DSCAML1: variants seen among roughly 807,000 people sequenced by gnomAD.
DSCAML1 encodes the protein DS cell adhesion molecule like 1.
A neutral mutation model predicts 200.5 loss-of-function variants in DSCAML1; 38 were observed. The ratio of observed to expected loss-of-function variants is 0.19; its 90% CI spans 0.15 to 0.25. The LOEUF is 0.25. Ranked by LOEUF, DSCAML1 falls within the 10% of genes least tolerant of loss-of-function variation. The probability of loss-of-function intolerance (pLI) is 1.00; values close to 1 mark genes in which losing one functional copy is unlikely to be tolerated. For missense variants in DSCAML1, 2,223 were observed against 2,858.8 expected (o/e 0.78, Z 5.07); for synonymous variants, 1,215 against 1,165.0 (o/e 1.04, Z -0.87).
At chr11:117,629,567 C>A (rs1374580095) in intron 3 of DSCAML1, among the ~76,000 whole-genome samples, 2 of 152,068 alleles carry the variant, frequency 1.3e-5, no homozygotes, top group Non-Finnish European at 2.9e-5. Context: ...GCAGAGAGAG[C>A]AACAGAAACT....
intron 3 of DSCAML1, among the ~76,000 whole-genome samples, chr11:117,641,811 A>T (rs1190360353): frequency 6.6e-6 from 1 of 152,148 alleles, no homozygotes; most frequent in Non-Finnish European, 1.5e-5. Flanking sequence ...CATGGAATGA[A>T]GGGAGGAAAC....
At position 117,450,529 on chromosome 11, in the gene DSCAML1, C is replaced by T. The variant is rs755355104; in HGVS notation, c.3708+20G>A. On this transcript the variant is annotated intron_variant, in intron 20 of 32. Coordinates refer to ENST00000651296, the MANE Select transcript of DSCAML1 (RefSeq NM_020693.4). ...TCTTTTCTTCCATCCCCTTCATCAT[C>T]TGGCCCTGAACTCACTTACCGGCTG... The T allele has an allele frequency of 3.7e-6, 6 of 1,610,940 alleles. No individual in the cohort carries two copies. Among genetic ancestry groups the T allele is most frequent in the Non-Finnish European group, 3.4e-6 (4 of 1,178,664 alleles).
At chr11:117,550,417 TG>T (rs1391379516) in intron 3 of DSCAML1, among the ~76,000 whole-genome samples, 2 of 151,852 alleles carry the variant, frequency 1.3e-5, no homozygotes, top group African/African-American at 4.8e-5. Flanking sequence ...CCCACCTCCC[TG>T]GCCCCAGTGT....
chr11:117,508,639 C>T (rs898860380), intron 8 of DSCAML1, among the ~76,000 whole-genome samples: 1 of 152,044 alleles, frequency 6.6e-6, no homozygotes, highest in Admixed American at 6.6e-5. Flanking sequence ...TGTCACAGCA[C>T]CGAACAAGCT....
In DSCAML1 at chr11:117,469,901, C is replaced by T; in HGVS notation, c.3024+9G>A. 1 of 1,601,828 alleles carries T rather than the reference C, an allele frequency of 6.2e-7. No homozygotes were observed. On this transcript the variant is annotated intron_variant, in intron 16 of 32. Coordinates refer to ENST00000651296, the MANE Select transcript of DSCAML1 (RefSeq NM_020693.4). The surrounding 1 kb of genome is among the most constrained non-coding windows in gnomAD (Gnocchi z 4.1). The stretch of plus-strand genomic sequence containing the variant: ...GACATTCCAGGGGAGATGCCTTAGA[C>T]ACACTTACCTTCCAGGTCACCTGGA...
intron 3 of DSCAML1, among the ~76,000 whole-genome samples, chr11:117,713,116 G>A (rs1238311497): frequency 6.6e-6 from 1 of 152,000 alleles, no homozygotes; most frequent in African/African-American, 2.4e-5. Context: ...TCCCAATGCC[G>A]TTTTTTGGGA....
At chr11:117,564,342 C>T (rs1476865205) in intron 3 of DSCAML1, among the ~76,000 whole-genome samples, 7 of 152,342 alleles carry the variant, frequency 4.6e-5, no homozygotes, top group Middle Eastern at 3.4e-3. Context: ...TCTTTGAACA[C>T]GTTGAGAAGC....
chr11:117,428,898 C>G (rs1592555542), intron 32 of DSCAML1, 95 bp from the exon 33 acceptor site: 2 of 1,291,678 alleles, frequency 1.5e-6, no homozygotes, highest in Non-Finnish European at 1.1e-6. Context: ...CCAGTCTTCT[C>G]TCTGATTTGG....
chr11:117,761,831 C>G (rs527353984), intron 3 of DSCAML1, among the ~76,000 whole-genome samples: 1 of 152,262 alleles, frequency 6.6e-6, no homozygotes, highest in East Asian at 1.9e-4. Context: ...AGACTATGCC[C>G]CTGCACTTCA....
chr11:117,503,863 T>G lies in DSCAML1; in HGVS notation c.2341A>C (p.Met781Leu). The change falls in exon 11 of 33, where the codon ATG (methionine) becomes CTG (leucine). Residue 781 changes from methionine to leucine, a missense_variant. By Grantham distance (15) the Met-to-Leu change is conservative. Around this residue, in one of 7 missense-constraint regions of DSCAML1, gnomAD observed 438 missense variants for 629.7 expected, o/e 0.70. Transcript: ENST00000651296. This position sits in a 1 kb window ranked among gnomAD's most constrained non-coding sequence, Gnocchi z 5.2. ...GACTCACTCTTGACTGTGAGGAACA[T>G]GGACTTGCTGATGTCGGTGCCTACG... ...NGVGTDISKSMFLTVKIPAMI... is the reference protein window; with the variant it reads ...NGVGTDISKSLFLTVKIPAMI... The G allele has an allele frequency of 1.9e-6, 3 of 1,614,014 alleles. No homozygotes were observed. The highest frequency in any genetic ancestry group is 2.5e-6 in the Non-Finnish European group (3 of 1,179,998).
At chr11:117,440,252 G>A (rs1050184891) in intron 21 of DSCAML1, among the ~76,000 whole-genome samples, 4 of 152,186 alleles carry the variant, frequency 2.6e-5, no homozygotes, top group African/African-American at 4.8e-5. Context: ...AAATTATAAC[G>A]GGGCAAAATG....
chr11:117,461,609 G>A lies in DSCAML1; in HGVS notation c.3266-13C>T, dbSNP rs1366660946. 9 of 1,607,944 alleles carry A rather than the reference G, an allele frequency of 5.6e-6. No individual in the cohort carries two copies. The highest frequency in any genetic ancestry group is 3.3e-5 in the Admixed American group (2 of 59,974). On this transcript the variant is annotated splice_polypyrimidine_tract_variant and intron_variant, in intron 17 of 32. Coordinates refer to ENST00000651296, the MANE Select transcript of DSCAML1 (RefSeq NM_020693.4). ...GGCTGGCTGGGCACTGCAGGGGGTA[G>A]GGGGAGAACCAAGGGTCCAGTCAGT...
chr11:117,468,067 T>C (rs1392212864), intron 16 of DSCAML1, among the ~76,000 whole-genome samples: 6 of 152,084 alleles, frequency 3.9e-5, no homozygotes, highest in Non-Finnish European at 8.8e-5. Flanking sequence ...CACAGATCCT[T>C]CCTGCCTCCT....
intron 3 of DSCAML1, among the ~76,000 whole-genome samples, chr11:117,622,863 T>C (rs1352650729): frequency 6.6e-6 from 1 of 152,172 alleles, no homozygotes; most frequent in East Asian, 1.9e-4. Context: ...ATTCAATAAG[T>C]AATACAGATT....
intron 1 of DSCAML1, among the ~76,000 whole-genome samples, chr11:117,787,425 A>T (rs1413132633): frequency 6.6e-6 from 1 of 152,216 alleles, no homozygotes; most frequent in Non-Finnish European, 1.5e-5. Context: ...TGATGATAAT[A>T]ATAATAACCT....
intron 3 of DSCAML1, among the ~76,000 whole-genome samples, chr11:117,756,934 G>A (rs1351397352): frequency 2.0e-5 from 3 of 152,204 alleles, no homozygotes; most frequent in Admixed American, 6.5e-5. Context: ...TAGAATTGGG[G>A]TTGCTTTGAC....
chr11:117,484,971 T>A (rs2049014255), intron 11 of DSCAML1, among the ~76,000 whole-genome samples: 1 of 148,496 alleles, frequency 6.7e-6, no homozygotes, highest in Non-Finnish European at 1.5e-5. Flanking sequence ...CTTTCTTTGG[T>A]AGGAGGACTT....
chr11:117,711,775 CA>C (rs2053854319), intron 3 of DSCAML1, among the ~76,000 whole-genome samples: 1 of 152,202 alleles, frequency 6.6e-6, no homozygotes, highest in Non-Finnish European at 1.5e-5. Flanking sequence ...CTTCTCCTTA[CA>C]ACTGGCCTAT....
At chr11:117,651,841 A>T (rs2052639461) in intron 3 of DSCAML1, among the ~76,000 whole-genome samples, 1 of 151,822 alleles carries the variant, frequency 6.6e-6, no homozygotes, top group Non-Finnish European at 1.5e-5. Flanking sequence ...GACAGATGTC[A>T]TCCCCGATGT....
Sources: allele counts gnomAD v4.1 joint callset (sites outside exome capture counted in the v4.1 genomes callset), GRCh38; gene constraint gnomAD v4.1.1; regional missense constraint gnomAD v4.1.1; non-coding constraint Gnocchi (gnomAD v3.1); transcripts MANE v1.5; gene names NCBI Gene and HGNC (gene_info 2026-07-23, HGNC 2026-07-21).